Variants in TNKS observed in about 807,000 individuals in gnomAD.
The protein encoded by TNKS is poly [ADP-ribose] polymerase tankyrase-1.
In TNKS, 72 loss-of-function variants were observed where a neutral mutation model predicts 135.8. That is an observed-to-expected ratio of 0.53 (90% CI 0.44 to 0.64). The LOEUF is 0.64. Among genes scored for constraint, TNKS ranks in the 30% least tolerant of loss-of-function variants. The pLI is 0.00. For missense variants in TNKS, 1,769 were observed against 1,674.0 expected (o/e 1.06, Z -0.99); for synonymous variants, 849 against 649.3 (o/e 1.31, Z -4.68).
intron 3 of TNKS, among the ~76,000 whole-genome samples, chr8:9,663,721 G>T (rs1801845553): frequency 1.3e-5 from 2 of 152,138 alleles, no homozygotes; most frequent in Admixed American, 6.5e-5. Context: ...ACAGAACTCA[G>T]GAAGATATGT....
intron 5 of TNKS, among the ~76,000 whole-genome samples, chr8:9,692,385 A>G (rs1803317619): frequency 6.6e-6 from 1 of 152,224 alleles, no homozygotes; most frequent in African/African-American, 2.4e-5. Context: ...TTTAACCAGA[A>G]GACAACTTTG....
intron 26 of TNKS, 82 bp from the exon 27 acceptor site, chr8:9,776,568 C>A: frequency 7.6e-7 from 1 of 1,315,670 alleles, no homozygotes; most frequent in Non-Finnish European, 1.1e-6. Context: ...CGATTAACAG[C>A]CTTTGAGGCT....
At chr8:9,718,401 G>T (rs1181805495) in intron 11 of TNKS, among the ~76,000 whole-genome samples, 4 of 152,164 alleles carry the variant, frequency 2.6e-5, no homozygotes, top group Admixed American at 2.0e-4. Flanking sequence ...TTTAGGAGAA[G>T]TGGCCTCAGG....
At chr8:9,752,697 A>C (rs1806609888) in intron 20 of TNKS, 71 bp downstream of exon 20, 1 of 1,056,744 alleles carries the variant, frequency 9.5e-7, no homozygotes, top group East Asian at 2.6e-5. Flanking sequence ...AGTGGTTCAC[A>C]CCTTACTCCC....
chr8:9,615,776 G>T, intron 3 of TNKS, 99 bp downstream of exon 3: 1 of 888,898 alleles, frequency 1.1e-6, no homozygotes, highest in Admixed American at 2.5e-5. Context: ...CACTGATGAA[G>T]CTAAGCAAAT....
chr8:9,712,787 G>A (rs1804405557), intron 11 of TNKS, among the ~76,000 whole-genome samples: 1 of 152,122 alleles, frequency 6.6e-6, no homozygotes, highest in Non-Finnish European at 1.5e-5. Flanking sequence ...CTACTCGGGA[G>A]GCTGAGGTGG....
At chr8:9,754,198 GA>G (rs1467187774) in intron 20 of TNKS, among the ~76,000 whole-genome samples, 1 of 152,166 alleles carries the variant, frequency 6.6e-6, no homozygotes, top group Non-Finnish European at 1.5e-5. Flanking sequence ...TTAGAACATA[GA>G]CGTATCATTT....
At chr8:9,577,322 A>T (rs1162616266) in intron 1 of TNKS, among the ~76,000 whole-genome samples, 4 of 151,646 alleles carry the variant, frequency 2.6e-5, no homozygotes, top group Non-Finnish European at 5.9e-5. Flanking sequence ...TTTTTTTTTT[A>T]GTAATGGTAA....
chr8:9,725,688 A>C (rs772616416), intron 12 of TNKS, among the ~76,000 whole-genome samples: 3 of 152,226 alleles, frequency 2.0e-5, no homozygotes, highest in African/African-American at 7.2e-5. Context: ...CCCAGTCTAA[A>C]ATGTAGGCCT....
chr8:9,747,080 A>C (rs1222501166), intron 17 of TNKS, among the ~76,000 whole-genome samples: 1 of 151,752 alleles, frequency 6.6e-6, no homozygotes, highest in Admixed American at 6.6e-5. Flanking sequence ...ACGGGGTTTC[A>C]CTATGTTGGC....
rs192003418 is a variant in TNKS, at chr8:9,600,775, C to A, written c.899-14807C>A. ...TGACAGAATTCTGAATTTTGGGTCA[C>A]TTTTATATGAAAGACAAAGACTTTC... is the stretch of plus-strand genomic sequence containing the variant. On this transcript the variant is annotated intron_variant, in intron 2 of 26. Transcript: ENST00000310430. Among the ~76,000 whole-genome samples, 258 of 152,226 alleles carry A rather than the reference C, an allele frequency of 1.7e-3. 3 individuals are homozygous for A. Among genetic ancestry groups the A allele is most frequent in the Admixed American group, 0.015 (236 of 15,280 alleles).
rs146006720 is a variant in TNKS, at chr8:9,744,688, A to G, written c.2644-3336A>G. Among the ~76,000 whole-genome samples the G allele has an allele frequency of 2.1e-3, 316 of 152,302 alleles. 1 individual carries two copies. The highest frequency in any genetic ancestry group is 6.8e-3 in the African/African-American group (283 of 41,570). The stretch of plus-strand genomic sequence containing the variant: ...CTGTGTTGAATAGAACTGAACTGCT[A>G]TTTATTGGATTTGTCAGCCTTAAAT... On this transcript the variant is annotated intron_variant, in intron 17 of 26. Transcript: ENST00000310430.
intron 2 of TNKS, among the ~76,000 whole-genome samples, chr8:9,590,238 C>T (rs1430481512): frequency 6.6e-6 from 1 of 152,044 alleles, no homozygotes; most frequent in Non-Finnish European, 1.5e-5. Flanking sequence ...CCTGTAATTC[C>T]CTCCCTTTCT....
intron 3 of TNKS, among the ~76,000 whole-genome samples, chr8:9,657,194 C>T (rs1421343555): frequency 0.013 from 1,763 of 134,646 alleles, 3 homozygotes; most frequent in Non-Finnish European, 0.021. Context: ...CCAGTAGGGG[C>T]GGCCGGGCAG....
Position 9,755,314 on chromosome 8 carries a change from C to G in TNKS, c.3153+2688C>G, listed in dbSNP as rs1395092345. On this transcript the variant is annotated intron_variant, in intron 20 of 26. Coordinates refer to ENST00000310430, the MANE Select transcript of TNKS (RefSeq NM_003747.3). ...CATCAGTTTCATTGTTCTTTTTTTA[C>G]TGCAGTTTCATTCTGAGTAAATGGT... Among the ~76,000 whole-genome samples, 3 of 152,184 alleles carry G rather than the reference C, an allele frequency of 2.0e-5. No individual in the cohort carries two copies. In the East Asian group the frequency reaches 5.8e-4, roughly 29 times the overall value.
intron 20 of TNKS, among the ~76,000 whole-genome samples, chr8:9,755,057 C>T (rs529161113): frequency 6.6e-6 from 1 of 152,144 alleles, no homozygotes. Context: ...AAACCAAAGA[C>T]CTTAACTCAA....
At chr8:9,568,651 A>G (rs1797641439) in intron 1 of TNKS, among the ~76,000 whole-genome samples, 1 of 152,234 alleles carries the variant, frequency 6.6e-6, no homozygotes, top group Non-Finnish European at 1.5e-5. Flanking sequence ...TGGCTTAAAA[A>G]GAGATAGCTA....
At position 9,772,809 on chromosome 8, in the gene TNKS, T is replaced by C. The variant is rs75811164; in HGVS notation, c.3897+2547T>C. Among the ~76,000 whole-genome samples the C allele has an allele frequency of 1.2e-3, 100 of 86,690 alleles. 1 individual carries two copies. In the South Asian group the frequency reaches 0.021, roughly 18 times the overall value. 56.9% of individuals were successfully genotyped at this position (86,690 alleles called of 152,430 possible). A position where few individuals can be genotyped will look rare whatever the true frequency, so the allele number is the denominator to read the frequency against. On this transcript the variant is annotated intron_variant, in intron 26 of 26. Transcript: ENST00000310430. The stretch of plus-strand genomic sequence containing the variant: ...TTGGGGAGAATGTGTGTGTGTGTGT[T>C]TGTGTGTGTGTGTGTGTGTGTCTGT...
At chr8:9,563,713 G>C (rs970025763) in intron 1 of TNKS, among the ~76,000 whole-genome samples, 1 of 151,848 alleles carries the variant, frequency 6.6e-6, no homozygotes, top group South Asian at 2.1e-4. Context: ...TTCATATCTT[G>C]TATCATTCTC....
Sources: gnomAD v4.1 joint callset for allele counts (sites outside exome capture counted in the v4.1 genomes callset) on GRCh38, gnomAD v4.1.1 for gene constraint, MANE v1.5 for transcripts, NCBI Gene and HGNC (gene_info 2026-07-23, HGNC 2026-07-21) for gene names.